Variants in TMTC2 observed in about 807,000 individuals in gnomAD.
TMTC2 encodes protein O-mannosyl-transferase TMTC2.
A neutral mutation model predicts 82.4 loss-of-function variants in TMTC2; 43 were observed. The ratio of observed to expected loss-of-function variants is 0.52; its 90% CI spans 0.41 to 0.67. The LOEUF (loss-of-function observed/expected upper bound fraction) is 0.67, where lower values mean the gene tolerates loss of function less well. Ranked by LOEUF, TMTC2 falls within the 30% of genes least tolerant of loss-of-function variation. The pLI is 0.00. For missense variants in TMTC2, 919 were observed against 1,012.4 expected (o/e 0.91, Z 1.25); for synonymous variants, 408 against 381.9 (o/e 1.07, Z -0.80).
chr12:83,043,790 G>A (rs1211500280), intron 9 of TMTC2, among the ~76,000 whole-genome samples: 1 of 152,078 alleles, frequency 6.6e-6, no homozygotes, highest in Non-Finnish European at 1.5e-5. Context: ...TTAATTTGGG[G>A]GGTATATTAA....
chr12:83,009,339 T>C (rs1448166110), intron 8 of TMTC2, among the ~76,000 whole-genome samples: 2 of 152,236 alleles, frequency 1.3e-5, no homozygotes, highest in East Asian at 3.9e-4. Context: ...CCCCTAAGAC[T>C]GTGGTCCTCA....
chr12:83,105,022 T>A (rs901449738), intron 11 of TMTC2, among the ~76,000 whole-genome samples: 1 of 152,200 alleles, frequency 6.6e-6, no homozygotes, highest in African/African-American at 2.4e-5. Flanking sequence ...GTCATCATTC[T>A]GAAGTTCAAA....
rs931973128 is a variant in TMTC2, at chr12:82,828,183, G to A, written c.84-28827G>A. Among the ~76,000 whole-genome samples the A allele has an allele frequency of 9.4e-5, 14 of 148,742 alleles. No homozygotes were observed. The South Asian group carries it at 1.5e-3, about 16-fold the overall frequency. On this transcript the variant is annotated intron_variant, in intron 1 of 11. Coordinates refer to ENST00000321196, the MANE Select transcript of TMTC2 (RefSeq NM_152588.3). The stretch of plus-strand genomic sequence containing the variant: ...ACTGGGATTACAGGAGTGAGCTACC[G>A]TGCCTGGCCCTTTTGCTTTTTCTTT...
At chr12:82,892,703 C>T (rs1225298796) in intron 2 of TMTC2, among the ~76,000 whole-genome samples, 1 of 152,170 alleles carries the variant, frequency 6.6e-6, no homozygotes, top group Admixed American at 6.5e-5. Context: ...CTCTTCCTCT[C>T]TACATCCCCG....
At chr12:82,994,099 T>G (rs12821905) in intron 8 of TMTC2, among the ~76,000 whole-genome samples, 32,651 of 152,140 alleles carry the variant, frequency 0.21, 3,731 homozygotes, top group African/African-American at 0.26. Flanking sequence ...GTTCCTGCTA[T>G]CTAAGCCCAT....
At chr12:82,952,756 A>G (rs1877414132) in intron 4 of TMTC2, among the ~76,000 whole-genome samples, 1 of 152,074 alleles carries the variant, frequency 6.6e-6, no homozygotes, top group Non-Finnish European at 1.5e-5. Flanking sequence ...TGTTTTTAGT[A>G]GAGACGAGGT....
At chr12:82,917,145 T>C (rs2137220800) in intron 3 of TMTC2, among the ~76,000 whole-genome samples, 1 of 152,272 alleles carries the variant, frequency 6.6e-6, no homozygotes, top group South Asian at 2.1e-4. Context: ...CCCATAGTCT[T>C]TGCTAATAGA....
chr12:82,749,504 T>A (rs559133952), intron 1 of TMTC2, among the ~76,000 whole-genome samples: 34 of 152,222 alleles, frequency 2.2e-4, no homozygotes, highest in African/African-American at 7.7e-4. Flanking sequence ...TGTTTTTTTT[T>A]AATTTGGTAT....
intron 1 of TMTC2, among the ~76,000 whole-genome samples, chr12:82,743,985 AG>A (rs1297312259): frequency 1.3e-5 from 2 of 152,072 alleles, no homozygotes; most frequent in East Asian, 1.9e-4. Context: ...GTCAGAAAGG[AG>A]GGGGGTGCTG....
At chr12:83,044,999 C>A (rs531457504) in intron 9 of TMTC2, among the ~76,000 whole-genome samples, 4 of 152,132 alleles carry the variant, frequency 2.6e-5, no homozygotes, top group Non-Finnish European at 5.9e-5. Flanking sequence ...CAGGAATTAA[C>A]GAAAGATTGG....
At chr12:82,783,622 C>T (rs1056520891) in intron 1 of TMTC2, among the ~76,000 whole-genome samples, 17 of 151,964 alleles carry the variant, frequency 1.1e-4, no homozygotes, top group African/African-American at 3.6e-4. Context: ...AAAATCTGGC[C>T]GGAAGCATGG....
At chr12:82,687,705 G>A in intron 1 of TMTC2, 36 bp downstream of exon 1, 1 of 1,577,146 alleles carries the variant, frequency 6.3e-7, no homozygotes, top group East Asian at 2.3e-5. Context: ...CGGGCTGCAG[G>A]GGGCACACTC....
At chr12:82,812,417 C>T (rs1418415559) in intron 1 of TMTC2, among the ~76,000 whole-genome samples, 1 of 152,022 alleles carries the variant, frequency 6.6e-6, no homozygotes, top group Non-Finnish European at 1.5e-5. Flanking sequence ...ATCTGCATGT[C>T]ATAAAATTTG....
intron 1 of TMTC2, among the ~76,000 whole-genome samples, chr12:82,804,803 C>T (rs1879166274): frequency 6.6e-6 from 1 of 152,110 alleles, no homozygotes; most frequent in Admixed American, 6.5e-5. Context: ...TGCTTTCCAT[C>T]ACAACCATTA....
At chr12:82,891,285 G>GT (rs1275313382) in intron 2 of TMTC2, among the ~76,000 whole-genome samples, 4 of 152,030 alleles carry the variant, frequency 2.6e-5, no homozygotes, top group South Asian at 2.1e-4. Flanking sequence ...AGAGAGATTT[G>GT]TTTTTTTATC....
chr12:82,829,578 A>C (rs10506883), intron 1 of TMTC2, among the ~76,000 whole-genome samples: 3,103 of 152,308 alleles, frequency 0.02, 112 homozygotes, highest in African/African-American at 0.071. Flanking sequence ...TCCCACCTCT[A>C]TGATAGATAC....
intron 8 of TMTC2, among the ~76,000 whole-genome samples, chr12:83,030,052 G>A (rs952858680): frequency 1.3e-5 from 2 of 151,990 alleles, no homozygotes; most frequent in East Asian, 1.9e-4. Context: ...TTCATAAATG[G>A]CCTGTAAATA....
intron 3 of TMTC2, among the ~76,000 whole-genome samples, chr12:82,916,858 T>C (rs912330253): frequency 2.0e-5 from 3 of 152,218 alleles, no homozygotes; most frequent in Non-Finnish European, 2.9e-5. Context: ...GTAGAATTCC[T>C]GTAATTAGAA....
intron 1 of TMTC2, among the ~76,000 whole-genome samples, chr12:82,703,070 G>A (rs979494900): frequency 4.6e-5 from 7 of 151,996 alleles, no homozygotes; most frequent in African/African-American, 1.7e-4. Flanking sequence ...GGTGGCAGGT[G>A]CCTGTAGTCC....
Sources: allele counts gnomAD v4.1 joint callset (sites outside exome capture counted in the v4.1 genomes callset), GRCh38; gene constraint gnomAD v4.1.1; transcripts MANE v1.5; gene names NCBI Gene and HGNC (gene_info 2026-07-23, HGNC 2026-07-21).